SUCLG2: variants seen among roughly 807,000 people sequenced by gnomAD.
SUCLG2 encodes the protein succinate--CoA ligase [GDP-forming] subunit beta, mitochondrial.
Under a neutral mutation model 47.9 loss-of-function variants are expected in SUCLG2, and 42 were observed. The observed-to-expected ratio is 0.88, with a 90% CI of 0.69 to 1.14. The LOEUF is 1.14. Among genes scored for constraint, SUCLG2 ranks in the 50% most tolerant of loss-of-function variants. SUCLG2 has a pLI of 0.00. For missense variants in SUCLG2, 571 were observed against 525.9 expected, an observed-to-expected ratio of 1.09 and a Z score of -0.84; for synonymous variants, 195 against 197.3, an observed-to-expected ratio of 0.99 and a Z score of 0.10.
intron 6 of SUCLG2, among the ~76,000 whole-genome samples, chr3:67,515,222 A>T (rs1390044060): frequency 6.6e-6 from 1 of 152,204 alleles, no homozygotes; most frequent in East Asian, 1.9e-4. Context: ...CCTAATTTAT[A>T]AGTCAAAATT....
chr3:67,449,368 T>C (rs1200262130), intron 9 of SUCLG2, among the ~76,000 whole-genome samples: 1 of 152,194 alleles, frequency 6.6e-6, no homozygotes, highest in Non-Finnish European at 1.5e-5. Flanking sequence ...CTGTCACATA[T>C]TGAAGTTTAA....
chr3:67,560,288 C>A (rs367802955), intron 2 of SUCLG2, among the ~76,000 whole-genome samples: 12 of 152,304 alleles, frequency 7.9e-5, no homozygotes, highest in Admixed American at 4.6e-4. Context: ...ATTTGGGAGA[C>A]TCTGCTTCAC....
At chr3:67,645,550 A>T (rs1455671202) in intron 1 of SUCLG2, among the ~76,000 whole-genome samples, 1 of 152,070 alleles carries the variant, frequency 6.6e-6, no homozygotes, top group East Asian at 1.9e-4. Flanking sequence ...TAGCACGTAT[A>T]TTTTTTTCCA....
chr3:67,497,148 T>C (rs1171448121), intron 8 of SUCLG2, among the ~76,000 whole-genome samples: 3 of 152,208 alleles, frequency 2.0e-5, no homozygotes, highest in Non-Finnish European at 4.4e-5. Flanking sequence ...ATTATAGTTA[T>C]TGCTCCAATA....
intron 9 of SUCLG2, among the ~76,000 whole-genome samples, chr3:67,472,007 T>C (rs1337614858): frequency 6.6e-6 from 1 of 152,210 alleles, no homozygotes; most frequent in Non-Finnish European, 1.5e-5. Context: ...TTTAAGACAA[T>C]TATTTTCATA....
intron 6 of SUCLG2, among the ~76,000 whole-genome samples, chr3:67,516,705 C>T (rs888236205): frequency 9.9e-5 from 15 of 152,132 alleles, no homozygotes; most frequent in Admixed American, 3.3e-4. Flanking sequence ...TGGACAAAGT[C>T]CCTGCCGTGG....
intron 9 of SUCLG2, among the ~76,000 whole-genome samples, chr3:67,485,981 A>G (rs552200520): frequency 9.2e-5 from 14 of 152,294 alleles, no homozygotes; most frequent in Admixed American, 6.5e-4. Context: ...CCTTTCTTTA[A>G]AAGTGTCTCA....
chr3:67,369,081 A>C (rs1048622628), intron 10 of SUCLG2, among the ~76,000 whole-genome samples: 1 of 151,870 alleles, frequency 6.6e-6, no homozygotes, highest in African/African-American at 2.4e-5. Flanking sequence ...ACTTTTTGTG[A>C]TTTATTGGTC....
chr3:67,385,108 G>A (rs145922429), intron 10 of SUCLG2, among the ~76,000 whole-genome samples: 424 of 152,292 alleles, frequency 2.8e-3, no homozygotes, highest in African/African-American at 9.6e-3. Context: ...ACTTTCAAGT[G>A]GAAATTGAGT....
intron 9 of SUCLG2, among the ~76,000 whole-genome samples, chr3:67,450,037 T>C (rs1053060350): frequency 1.1e-4 from 17 of 152,076 alleles, no homozygotes; most frequent in African/African-American, 3.9e-4. Context: ...CAGTATTTTT[T>C]TTAAAATTAA....
chr3:67,469,088 G>A (rs1025871946), intron 9 of SUCLG2, among the ~76,000 whole-genome samples: 3 of 152,194 alleles, frequency 2.0e-5, no homozygotes, highest in African/African-American at 7.2e-5. Flanking sequence ...AGATGGAGAT[G>A]CCCTCATACA....
intron 10 of SUCLG2, among the ~76,000 whole-genome samples, chr3:67,382,044 G>C (rs1478986098): frequency 6.6e-6 from 1 of 152,168 alleles, no homozygotes; most frequent in Non-Finnish European, 1.5e-5. Flanking sequence ...TCATTTTCCA[G>C]TCTGGAAATA....
intron 2 of SUCLG2, among the ~76,000 whole-genome samples, chr3:67,567,354 G>A (rs556392192): frequency 1.3e-5 from 2 of 151,432 alleles, no homozygotes; most frequent in East Asian, 3.9e-4. Context: ...AGAGTACAGT[G>A]ATGTAATCAT....
intron 9 of SUCLG2, among the ~76,000 whole-genome samples, chr3:67,438,333 G>C (rs917414952): frequency 6.6e-5 from 10 of 151,898 alleles, no homozygotes; most frequent in African/African-American, 2.4e-4. Flanking sequence ...AGAGAAGCAA[G>C]AGCAAACAAA....
intron 9 of SUCLG2, among the ~76,000 whole-genome samples, chr3:67,482,248 C>A (rs1704937527): frequency 6.6e-6 from 1 of 152,112 alleles, no homozygotes; most frequent in East Asian, 1.9e-4. Flanking sequence ...TTGTTGATTG[C>A]AGGCTGGATG....
At chr3:67,403,734 A>T (rs1446589278) in intron 9 of SUCLG2, among the ~76,000 whole-genome samples, 1 of 152,190 alleles carries the variant, frequency 6.6e-6, no homozygotes, top group Non-Finnish European at 1.5e-5. Flanking sequence ...GGGAGCAGCC[A>T]GGATAAAGGC....
At position 67,394,861 on chromosome 3, in the gene SUCLG2, C is replaced by T. The variant is rs1311703695; in HGVS notation, c.1183+5870G>A. On this transcript the variant is annotated intron_variant, in intron 10 of 10. Coordinates refer to ENST00000307227, the MANE Select transcript of SUCLG2 (RefSeq NM_003848.4). Reference sequence around the variant, plus strand: ...CTACAAGCCAGAAGAGAGTGGGGGCCAATATTCAACATTCTTAAAGAAAAG... The same window carrying T: ...CTACAAGCCAGAAGAGAGTGGGGGCTAATATTCAACATTCTTAAAGAAAAG... Among the ~76,000 whole-genome samples, 181 of 151,916 alleles carry T rather than the reference C, an allele frequency of 1.2e-3. 1 individual carries two copies. Among genetic ancestry groups the T allele is most frequent in the Non-Finnish European group, 1.8e-3 (122 of 67,996 alleles).
At chr3:67,551,777 G>A (rs1559568525) in intron 2 of SUCLG2, among the ~76,000 whole-genome samples, 1 of 152,114 alleles carries the variant, frequency 6.6e-6, no homozygotes, top group South Asian at 2.1e-4. Flanking sequence ...ACTCACCACT[G>A]GCTATGCACC....
At chr3:67,361,572 T>C (rs1701804085) in intron 10 of SUCLG2, among the ~76,000 whole-genome samples, 1 of 152,132 alleles carries the variant, frequency 6.6e-6, no homozygotes, top group African/African-American at 2.4e-5. Context: ...GACTTGAAAA[T>C]GGGCCATTGT....
Sources: allele counts gnomAD v4.1 joint callset (sites outside exome capture counted in the v4.1 genomes callset), GRCh38; gene constraint gnomAD v4.1.1; transcripts MANE v1.5; gene names NCBI Gene and HGNC (gene_info 2026-07-23, HGNC 2026-07-21).